The following SLC35F4 variants were observed in gnomAD, a reference collection of about 807,000 sequenced individuals.
The protein encoded by SLC35F4 is solute carrier family 35 member F4, also known as chromosome 14 open reading frame 36.
SLC35F4 carries 24 observed loss-of-function variants against 44.2 expected under a neutral mutation model. That is an observed-to-expected ratio of 0.54 (90% CI 0.39 to 0.76). The LOEUF (loss-of-function observed/expected upper bound fraction) is 0.76. Ranked by LOEUF, SLC35F4 falls within the 30% of genes least tolerant of loss-of-function variation. The pLI is 0.00. For synonymous variants in SLC35F4, 238 were observed against 223.6 expected (o/e 1.06, Z -0.57); for missense variants, 562 against 586.1 (o/e 0.96, Z 0.42).
At chr14:57,667,555 A>G (rs1290110473) in intron 1 of SLC35F4, among the ~76,000 whole-genome samples, 1 of 143,126 alleles carries the variant, frequency 7.0e-6, no homozygotes, top group South Asian at 2.2e-4. Context: ...TCAATGTTCA[A>G]TTCCTACCTA....
chr14:57,642,288 A>G (rs2073284086), intron 1 of SLC35F4, among the ~76,000 whole-genome samples: 1 of 151,750 alleles, frequency 6.6e-6, no homozygotes, highest in Non-Finnish European at 1.5e-5. Flanking sequence ...TTGAAGACCG[A>G]GAGCTAGTGA....
At chr14:57,627,384 G>A (rs778417240) in intron 1 of SLC35F4, among the ~76,000 whole-genome samples, 2 of 152,096 alleles carry the variant, frequency 1.3e-5, no homozygotes, top group Non-Finnish European at 1.5e-5. Context: ...GCATTAATCT[G>A]TGTATCAAAC....
intron 1 of SLC35F4, among the ~76,000 whole-genome samples, chr14:57,742,242 A>C (rs2076630567): frequency 6.6e-6 from 1 of 152,230 alleles, no homozygotes. Context: ...TTAAATGTAA[A>C]TGGGCTAAAT....
At chr14:57,620,877 T>C (rs1425427045) in intron 1 of SLC35F4, among the ~76,000 whole-genome samples, 1 of 152,110 alleles carries the variant, frequency 6.6e-6, no homozygotes, top group Non-Finnish European at 1.5e-5. Flanking sequence ...AGTCAAATTG[T>C]CCCTGTTTGC....
At chr14:57,935,116 C>T (rs1053116001) in intron 1 of SLC35F4, among the ~76,000 whole-genome samples, 6 of 152,164 alleles carry the variant, frequency 3.9e-5, no homozygotes, top group Middle Eastern at 3.2e-3. Flanking sequence ...ATAAGCCTCT[C>T]TTGGGGAGGA....
intron 1 of SLC35F4, among the ~76,000 whole-genome samples, chr14:57,836,500 C>T (rs1884942111): frequency 6.6e-6 from 1 of 152,052 alleles, no homozygotes; most frequent in Non-Finnish European, 1.5e-5. Context: ...ACCATGTTGA[C>T]CAAGAGGGTC....
chr14:57,624,834 C>T (rs1038475284), intron 1 of SLC35F4, among the ~76,000 whole-genome samples: 2 of 151,988 alleles, frequency 1.3e-5, no homozygotes, highest in Admixed American at 1.3e-4. Flanking sequence ...TATGACAAAC[C>T]CACAGCCAAT....
chr14:57,674,534 A>T (rs1168191940), intron 1 of SLC35F4, among the ~76,000 whole-genome samples: 1 of 152,156 alleles, frequency 6.6e-6, no homozygotes, highest in Non-Finnish European at 1.5e-5. Flanking sequence ...CAATAAAAAG[A>T]AAAGAATTAC....
chr14:57,943,698 C>A (rs1041747232), intron 1 of SLC35F4, among the ~76,000 whole-genome samples: 73 of 152,204 alleles, frequency 4.8e-4, no homozygotes, highest in African/African-American at 1.7e-3. Flanking sequence ...CATGGATGGG[C>A]CCAGCTGAAC....
intron 1 of SLC35F4, among the ~76,000 whole-genome samples, chr14:57,929,428 C>G (rs547383759): frequency 6.6e-6 from 1 of 152,060 alleles, no homozygotes; most frequent in Non-Finnish European, 1.5e-5. Context: ...TACCCTCTTA[C>G]AGCACCTTAG....
At chr14:57,929,138 T>C (rs1048840002) in intron 1 of SLC35F4, among the ~76,000 whole-genome samples, 1 of 152,192 alleles carries the variant, frequency 6.6e-6, no homozygotes, top group African/African-American at 2.4e-5. Context: ...GAAAGAGATA[T>C]GGTAATCAGA....
At chr14:57,692,431 A>C (rs898775256) in intron 1 of SLC35F4, among the ~76,000 whole-genome samples, 23 of 152,070 alleles carry the variant, frequency 1.5e-4, no homozygotes, top group Admixed American at 3.3e-4. Context: ...CTTCCAGCAG[A>C]GGTTTTGAGA....
At chr14:57,739,884 G>T (rs1017626756) in intron 1 of SLC35F4, among the ~76,000 whole-genome samples, 11 of 152,174 alleles carry the variant, frequency 7.2e-5, no homozygotes, top group African/African-American at 2.7e-4. Flanking sequence ...TTTTGAGACA[G>T]TGTCTCACTC....
intron 1 of SLC35F4, among the ~76,000 whole-genome samples, chr14:57,746,092 G>T (rs1223652153): frequency 6.6e-6 from 1 of 152,086 alleles, no homozygotes; most frequent in Admixed American, 6.6e-5. Flanking sequence ...ATGGAGTGGG[G>T]GGCAGGGGGA....
At chr14:57,973,477 A>G (rs951985645), downstream of SLC35F4, among the ~76,000 whole-genome samples, 4 of 152,132 alleles carry the variant, frequency 2.6e-5, no homozygotes, top group African/African-American at 9.7e-5. Flanking sequence ...GGGAAAGATT[A>G]AGGGAGAGGC....
At chr14:57,927,647 C>CA (rs996695201) in intron 1 of SLC35F4, among the ~76,000 whole-genome samples, 2 of 151,958 alleles carry the variant, frequency 1.3e-5, no homozygotes, top group African/African-American at 4.8e-5. Context: ...CCTGCCACCA[C>CA]ATCCAGCTAA....
At chr14:57,830,851 G>A (rs1884293091) in intron 1 of SLC35F4, among the ~76,000 whole-genome samples, 1 of 152,092 alleles carries the variant, frequency 6.6e-6, no homozygotes, top group Admixed American at 6.6e-5. Flanking sequence ...AAAACCCAGA[G>A]CCAATTTATC....
chr14:57,697,483 T>C (rs2075416792), intron 1 of SLC35F4, among the ~76,000 whole-genome samples: 1 of 152,024 alleles, frequency 6.6e-6, no homozygotes, highest in Admixed American at 6.6e-5. Flanking sequence ...GCAGATTGCT[T>C]TGAGCTCAGG....
intron 1 of SLC35F4, among the ~76,000 whole-genome samples, chr14:57,945,253 G>A (rs7145496): frequency 0.47 from 71,788 of 151,610 alleles, 18,423 homozygotes; most frequent in East Asian, 0.79. Context: ...ACAGACAATG[G>A]ATTTGTGAAT....
Sources: gnomAD v4.1 joint callset for allele counts (sites outside exome capture counted in the v4.1 genomes callset) on GRCh38, gnomAD v4.1.1 for gene constraint, MANE v1.5 for transcripts, NCBI Gene and HGNC (gene_info 2026-07-23, HGNC 2026-07-21) for gene names.